The following GUCY2F variants were observed in gnomAD, a reference collection of about 807,000 sequenced individuals.
The protein encoded by GUCY2F is guanylate cyclase 2F, retinal.
Under a neutral mutation model 73.1 loss-of-function variants are expected in GUCY2F, and 61 were observed. That is an observed-to-expected ratio of 0.83 (90% CI 0.68 to 1.03). The LOEUF is 1.03. GUCY2F is among the 50% of genes least tolerant of loss of function. The pLI is 0.00. For missense variants in GUCY2F, 912 were observed against 854.3 expected, an observed-to-expected ratio of 1.07 and a Z score of -0.84; for synonymous variants, 331 against 307.8, an observed-to-expected ratio of 1.08 and a Z score of -0.79.
rs72618387 is a variant in GUCY2F at position 109,472,231 on chromosome X, C to T, written c.730+2976G>A. Among the ~76,000 whole-genome samples, 113 of 106,977 alleles carry T rather than the reference C, an allele frequency of 1.1e-3. 2 individuals are homozygous for T. In the East Asian group the frequency reaches 0.028, roughly 27 times the overall value. 92.9% of individuals were successfully genotyped at this position (106,977 alleles called of 115,157 possible). The stretch of plus-strand genomic sequence containing the variant: ...ACTACAACCACCACTGCTACGGCCA[C>T]GTGGCAATGCCATCACTGCTTTTGC... On this transcript the variant is annotated intron_variant, in intron 2 of 19. Coordinates refer to ENST00000218006, the MANE Select transcript of GUCY2F (RefSeq NM_001522.3).
At chrX:109,451,106 G>A (rs1668837245) in intron 5 of GUCY2F, among the ~76,000 whole-genome samples, 1 of 111,821 alleles carries the variant, frequency 8.9e-6, no homozygotes, top group African/African-American at 3.3e-5. Flanking sequence ...GGGTAGCAAT[G>A]GGAAAATGGG....
intron 15 of GUCY2F, among the ~76,000 whole-genome samples, chrX:109,387,527 A>G (rs1486149320): frequency 1.8e-5 from 2 of 112,374 alleles, no homozygotes; most frequent in Non-Finnish European, 3.8e-5. Context: ...GGAAGTCATC[A>G]GCGTACAAGT....
At chrX:109,466,321 C>T (rs1479050018) in intron 2 of GUCY2F, among the ~76,000 whole-genome samples, 3 of 111,443 alleles carry the variant, frequency 2.7e-5, no homozygotes, top group South Asian at 3.8e-4. Flanking sequence ...TGGAGCATTT[C>T]GGATTTCAGA....
At chrX:109,441,805 A>G (rs1931877617) in intron 6 of GUCY2F, among the ~76,000 whole-genome samples, 1 of 106,685 alleles carries the variant, frequency 9.4e-6, no homozygotes, top group Non-Finnish European at 2.0e-5. Context: ...AAGTAAGACC[A>G]AAAAAAAAAG....
In GUCY2F at chrX:109,389,469, C is replaced by T. The variant is rs187188910; in HGVS notation, c.2782-806G>A. 1.3e-4 allele frequency among the ~76,000 whole-genome samples: 15 copies of T among 111,950 alleles called. No homozygotes were observed. In the East Asian group the frequency reaches 4.2e-3, roughly 32 times the overall value. Reference sequence around the variant, plus strand: ...TGAATCCAGTTAAAACCCATGTGTTCCCAGAGAACTGCACTCACAGAATAC... The same window carrying T: ...TGAATCCAGTTAAAACCCATGTGTTTCCAGAGAACTGCACTCACAGAATAC... On this transcript the variant is annotated intron_variant, in intron 14 of 19. Coordinates refer to ENST00000218006, the MANE Select transcript of GUCY2F (RefSeq NM_001522.3).
intron 16 of GUCY2F, 144 bp from the exon 17 acceptor site, chrX:109,382,356 AGAG>A (rs1930338085): frequency 4.5e-6 from 2 of 443,814 alleles, no homozygotes; most frequent in Admixed American, 7.3e-5. Flanking sequence ...GGGTTTCACA[AGAG>A]GAGGAGACGG....
At chrX:109,384,382 T>C (rs891928366) in intron 16 of GUCY2F, among the ~76,000 whole-genome samples, 1 of 112,297 alleles carries the variant, frequency 8.9e-6, no homozygotes, top group African/African-American at 3.2e-5. Context: ...TTCTCTATGC[T>C]TTTCCTATAG....
chrX:109,463,031 T>C (rs895544074), intron 3 of GUCY2F, among the ~76,000 whole-genome samples: 1 of 111,531 alleles, frequency 9.0e-6, no homozygotes, highest in Non-Finnish European at 1.9e-5. Context: ...AAATCCAGCA[T>C]TGTTAATATC....
chrX:109,462,927 C>T (rs1441585476), intron 3 of GUCY2F, among the ~76,000 whole-genome samples: 5 of 111,626 alleles, frequency 4.5e-5, no homozygotes, highest in Admixed American at 9.5e-5. Flanking sequence ...ACTAAACTGA[C>T]CAGTTGTTTT....
At chrX:109,474,298 A>G (rs1390156034) in intron 2 of GUCY2F, among the ~76,000 whole-genome samples, 1 of 111,716 alleles carries the variant, frequency 9.0e-6, no homozygotes, top group Non-Finnish European at 1.9e-5. Flanking sequence ...GCAGTGGGGG[A>G]ATGAGCAGCG....
At chrX:109,431,665 C>T (rs1265242229) in intron 7 of GUCY2F, among the ~76,000 whole-genome samples, 4 of 104,297 alleles carry the variant, frequency 3.8e-5, no homozygotes, top group Non-Finnish European at 7.8e-5. Context: ...CGCCACTGCA[C>T]TCCAGCCTGA....
chrX:109,414,930 C>A (rs940857548), intron 8 of GUCY2F, among the ~76,000 whole-genome samples: 2 of 111,022 alleles, frequency 1.8e-5, no homozygotes, highest in Non-Finnish European at 3.8e-5. Flanking sequence ...ACTGAAGAGA[C>A]AGGGAAGAGC....
chrX:109,428,332 GCCT>G (rs1427980101), intron 8 of GUCY2F, among the ~76,000 whole-genome samples: 1 of 111,999 alleles, frequency 8.9e-6, no homozygotes, highest in African/African-American at 3.2e-5. Flanking sequence ...CTGATAAAGT[GCCT>G]CCTGATAAAG....
intron 8 of GUCY2F, among the ~76,000 whole-genome samples, chrX:109,419,252 A>G (rs1244384450): frequency 9.0e-6 from 1 of 111,188 alleles, no homozygotes; most frequent in African/African-American, 3.2e-5. Flanking sequence ...GACAAACATT[A>G]AAAGTATAGA....
intron 8 of GUCY2F, among the ~76,000 whole-genome samples, chrX:109,422,291 T>A: frequency 9.0e-6 from 1 of 111,189 alleles, no homozygotes; most frequent in African/African-American, 3.3e-5. Flanking sequence ...AATGAGTGAG[T>A]CACAAAATGA....
chrX:109,387,803 T>C (rs756546533), intron 15 of GUCY2F, among the ~76,000 whole-genome samples: 1 of 111,177 alleles, frequency 9.0e-6, no homozygotes, highest in Non-Finnish European at 1.9e-5. Flanking sequence ...AGAGAACCAG[T>C]AAATAAAGTG....
At chrX:109,409,936 T>C (rs1603380962) in intron 8 of GUCY2F, among the ~76,000 whole-genome samples, 2 of 111,247 alleles carry the variant, frequency 1.8e-5, no homozygotes, top group East Asian at 5.6e-4. Context: ...GACTAATACA[T>C]TGATCCTATG....
chrX:109,410,596 CAA>C (rs745529011), intron 8 of GUCY2F, among the ~76,000 whole-genome samples: 35 of 112,306 alleles, frequency 3.1e-4, no homozygotes, highest in Non-Finnish European at 6.0e-4. Flanking sequence ...AAGAGACAAA[CAA>C]GATAAAATCA....
intron 8 of GUCY2F, among the ~76,000 whole-genome samples, chrX:109,419,689 T>C (rs1931318955): frequency 9.1e-6 from 1 of 110,354 alleles, no homozygotes; most frequent in South Asian, 3.8e-4. Flanking sequence ...AAATAAATGG[T>C]GACATATACC....
Sources: gnomAD v4.1 joint callset for allele counts (sites outside exome capture counted in the v4.1 genomes callset) on GRCh38, gnomAD v4.1.1 for gene constraint, MANE v1.5 for transcripts, NCBI Gene and HGNC (gene_info 2026-07-23, HGNC 2026-07-21) for gene names.